TCF7L2: variants seen among roughly 807,000 people sequenced by gnomAD.
TCF7L2 encodes the protein transcription factor 7-like 2.
Under a neutral mutation model 77.9 loss-of-function variants are expected in TCF7L2, and 23 were observed. That is an observed-to-expected ratio of 0.30 (90% CI 0.21 to 0.42). The LOEUF is 0.42. Among genes scored for constraint, TCF7L2 ranks in the 10% least tolerant of loss-of-function variants. The pLI is 1.00. For missense variants in TCF7L2, 654 were observed against 793.1 expected, an observed-to-expected ratio of 0.82 and a Z score of 2.11; for synonymous variants, 413 against 340.2, an observed-to-expected ratio of 1.21 and a Z score of -2.36.
At chr10:113,057,254 C>T (rs1308914469) in intron 5 of TCF7L2, among the ~76,000 whole-genome samples, 1 of 152,212 alleles carries the variant, frequency 6.6e-6, no homozygotes, top group Admixed American at 6.5e-5. Flanking sequence ...TCTGCAACTT[C>T]AGCCTCCTGG....
intron 3 of TCF7L2, 66 bp downstream of exon 3, chr10:112,951,673 A>T (rs1448684572): frequency 1.2e-4 from 100 of 849,634 alleles, no homozygotes; most frequent in African/African-American, 1.5e-4. Context: ...CGGGCCCCGC[A>T]TGCGGCCCCT....
At chr10:113,153,976 G>A (rs1200429924) in intron 11 of TCF7L2, among the ~76,000 whole-genome samples, 1 of 152,218 alleles carries the variant, frequency 6.6e-6, no homozygotes, top group African/African-American at 2.4e-5. Flanking sequence ...TGCCCCCTTA[G>A]CTGGCAGCGC....
chr10:113,095,932 T>A (rs2060915749), intron 5 of TCF7L2, among the ~76,000 whole-genome samples: 1 of 152,168 alleles, frequency 6.6e-6, no homozygotes, highest in East Asian at 1.9e-4. Flanking sequence ...ACGTATTTTC[T>A]TTGTGTCTCG....
chr10:113,162,898 T>C (rs747677519), intron 13 of TCF7L2, among the ~76,000 whole-genome samples: 2 of 152,062 alleles, frequency 1.3e-5, no homozygotes, highest in African/African-American at 4.8e-5. Context: ...GAAGCCTAGG[T>C]TGGGGGTGCT....
chr10:113,094,525 A>G (rs748928861), intron 5 of TCF7L2, among the ~76,000 whole-genome samples: 1 of 152,150 alleles, frequency 6.6e-6, no homozygotes, highest in Non-Finnish European at 1.5e-5. Flanking sequence ...CTAACTAAAC[A>G]TTTTCATTTA....
chr10:113,013,511 G>A (rs1303271203), intron 4 of TCF7L2, among the ~76,000 whole-genome samples: 7 of 152,212 alleles, frequency 4.6e-5, no homozygotes, highest in Admixed American at 4.6e-4. Flanking sequence ...TAAGACATTG[G>A]TTTGGCCTAA....
chr10:112,973,253 G>T (rs2038675232), intron 4 of TCF7L2, among the ~76,000 whole-genome samples: 1 of 152,198 alleles, frequency 6.6e-6, no homozygotes. Flanking sequence ...TTTAATTAAT[G>T]CTGTGTTCCT....
At chr10:113,110,316 AAGAATTTCCAATTCTAACATTTTCT>A (rs2062955903) in intron 5 of TCF7L2, among the ~76,000 whole-genome samples, 1 of 151,888 alleles carries the variant, frequency 6.6e-6, no homozygotes, top group African/African-American at 2.4e-5. Context: ...AAACTGTTTA[AAGAATTTCCAATTCTAACATTTTCT>A]TTGAAATGTT....
At chr10:112,964,228 G>A (rs373419281) in intron 3 of TCF7L2, among the ~76,000 whole-genome samples, 34 of 152,038 alleles carry the variant, frequency 2.2e-4, no homozygotes, top group African/African-American at 8.2e-4. Context: ...TCAGCATCCC[G>A]CTCAGCACAC....
intron 11 of TCF7L2, among the ~76,000 whole-genome samples, chr10:113,152,748 A>G (rs767462470): frequency 6.6e-6 from 1 of 152,202 alleles, no homozygotes; most frequent in African/African-American, 2.4e-5. Context: ...CAAGGCTCTT[A>G]GGATACACCC....
In TCF7L2 at chr10:113,151,217, C is replaced by T; in HGVS notation, c.1001+94C>T. The T allele has an allele frequency of 1.9e-6, 3 of 1,571,778 alleles. No individual in the cohort carries two copies. The highest frequency in any genetic ancestry group is 3.4e-5 in the Admixed American group (2 of 58,448). On this transcript the variant is annotated intron_variant, in intron 9 of 13. Transcript: ENST00000627217. This position sits in a 1 kb window ranked among gnomAD's most constrained non-coding sequence, Gnocchi z 5.2. ...GTGGTGGCTTTCTGCCTAAGGTTGG[C>T]CTCGTTTGGTTTGACTGCAGCCAAT...
intron 5 of TCF7L2, among the ~76,000 whole-genome samples, chr10:113,128,081 T>C (rs1023549205): frequency 5.3e-5 from 8 of 151,998 alleles, no homozygotes; most frequent in African/African-American, 1.9e-4. Flanking sequence ...TCCGCGTGAA[T>C]AGAGGGAGAG....
rs143030517 is a variant in TCF7L2, at chr10:112,989,794, G to A, written c.450+25170G>A. Among the ~76,000 whole-genome samples the A allele has an allele frequency of 1.8e-4, 27 of 152,294 alleles. No individual in the cohort carries two copies. The East Asian group carries it at 5.2e-3, about 29-fold the overall frequency. The stretch of plus-strand genomic sequence containing the variant: ...GGGGTAGATGAAATGTTGAGATTTA[G>A]ATCTAAAATGTTGTTGTGGTGTTTC... On this transcript the variant is annotated intron_variant, in intron 4 of 13. Coordinates refer to ENST00000627217, the MANE Select transcript of TCF7L2 (RefSeq NM_001146274.2).
chr10:113,166,581 G>A lies in TCF7L2; in HGVS notation c.*609G>A. ...CATGGTGTTGTTCTTTTGGGGGGAG[G>A]GGACGCTACTCAACACTTAATAGAA... On this transcript the variant is annotated 3_prime_UTR_variant, in exon 14 of 14. Transcript: ENST00000627217. 4.4e-6 allele frequency: 1 copy of A among 228,156 alleles called. No individual in the cohort carries two copies. The highest frequency in any genetic ancestry group is 8.7e-6 in the Non-Finnish European group (1 of 115,026). The allele number at this position is 228,156 out of a possible 1,614,324, so 14.1% of individuals were successfully genotyped here.
rs185357908 is a variant in TCF7L2, at chr10:113,167,269, A to C, written c.*1297A>C. On this transcript the variant is annotated 3_prime_UTR_variant, in exon 14 of 14. Transcript: ENST00000627217. ...AAACCCTTAAGGGCCAAAATTCTGT[A>C]TATTAGATTACTCTTAAACGAAAAA... 1 of 228,520 alleles carries C rather than the reference A, an allele frequency of 4.4e-6. No homozygotes were observed. The highest frequency in any genetic ancestry group is 6.3e-5 in the East Asian group (1 of 15,860). The allele number at this position is 228,520 out of a possible 1,614,324, so 14.2% of individuals were successfully genotyped here.
At chr10:112,970,457 A>G (rs1463199255) in intron 4 of TCF7L2, among the ~76,000 whole-genome samples, 1 of 151,734 alleles carries the variant, frequency 6.6e-6, no homozygotes, top group African/African-American at 2.4e-5. Flanking sequence ...GAAGAATACT[A>G]ACTGGAGAGT....
At chr10:113,041,928 C>A (rs2052519249) in intron 5 of TCF7L2, among the ~76,000 whole-genome samples, 1 of 151,932 alleles carries the variant, frequency 6.6e-6, no homozygotes, top group African/African-American at 2.4e-5. Flanking sequence ...CTTCGTTGTT[C>A]TCTCTCTTTG....
At chr10:112,989,361 TAAAAAAAA>T (rs879671758) in intron 4 of TCF7L2, among the ~76,000 whole-genome samples, 2 of 135,666 alleles carry the variant, frequency 1.5e-5, no homozygotes, top group Non-Finnish European at 3.2e-5. Flanking sequence ...AGTTCACCAT[TAAAAAAAA>T]AAAAAGAAAA....
chr10:113,033,437 TG>T (rs947963822), intron 4 of TCF7L2, among the ~76,000 whole-genome samples: 46 of 152,064 alleles, frequency 3.0e-4, no homozygotes, highest in African/African-American at 1.1e-3. Context: ...TTTTTTTTTT[TG>T]GTAGAGATGG....
Sources: gnomAD v4.1 joint callset for allele counts (sites outside exome capture counted in the v4.1 genomes callset) on GRCh38, gnomAD v4.1.1 for gene constraint, Gnocchi (gnomAD v3.1) non-coding constraint, MANE v1.5 for transcripts, NCBI Gene and HGNC (gene_info 2026-07-23, HGNC 2026-07-21) for gene names.